Variants in FLOT2 observed in about 807,000 individuals in gnomAD.
FLOT2 encodes the protein flotillin 2.
FLOT2 carries 35 observed loss-of-function variants against 54.9 expected under a neutral mutation model. That is an observed-to-expected ratio of 0.64 (90% confidence interval 0.49 to 0.84). The LOEUF is 0.84. Ranked by LOEUF, FLOT2 falls within the 40% of genes least tolerant of loss-of-function variation. The pLI, the probability that FLOT2 is intolerant of heterozygous loss-of-function variation, is 0.00. For missense variants in FLOT2, 464 were observed against 572.1 expected (o/e 0.81, Z 1.93); for synonymous variants, 207 against 228.9 (o/e 0.90, Z 0.86).
chr17:28,889,066 T>G, intron 1 of FLOT2, 40 bp from the exon 2 acceptor site: 2 of 1,572,740 alleles, frequency 1.3e-6, no homozygotes, highest in Admixed American at 1.7e-5. Context: ...AGTCGGTTCT[T>G]GGGTCTGTCT....
At position 28,880,170 on chromosome 17, in the gene FLOT2, G is replaced by A. The variant is rs1209443175; in HGVS notation, c.*391C>T. 2 of 1,094,316 alleles carry A rather than the reference G, an allele frequency of 1.8e-6. No homozygotes were observed. The highest frequency in any genetic ancestry group is 2.2e-6 in the Non-Finnish European group (2 of 895,074). 67.8% of individuals were successfully genotyped at this position (1,094,316 alleles called of 1,614,324 possible). On this transcript the variant is annotated 3_prime_UTR_variant, in exon 11 of 11. Coordinates refer to ENST00000394908, the MANE Select transcript of FLOT2 (RefSeq NM_004475.3). ...CTCTGGCCAGGGCCATAGGGAGGATGGACAGATGCACAGAGAACTTCAAGG... is the reference window on the plus strand; with the variant it reads ...CTCTGGCCAGGGCCATAGGGAGGATAGACAGATGCACAGAGAACTTCAAGG...
intron 1 of FLOT2, among the ~76,000 whole-genome samples, chr17:28,895,207 G>T (rs2039722363): frequency 6.6e-6 from 1 of 151,828 alleles, no homozygotes; most frequent in Non-Finnish European, 1.5e-5. Flanking sequence ...GTCTGGCCAA[G>T]AATACTTATA....
chr17:28,884,074 C>T lies in FLOT2; in HGVS notation c.222+151G>A, dbSNP rs964737770. ...CCCGGTGAGCATGTTCCAGTGGCGA[C>T]GACCTGACTAGCCCTCTCTTGTGGG... is the stretch of plus-strand genomic sequence containing the variant. On this transcript the variant is annotated intron_variant, in intron 3 of 10. Transcript: ENST00000394908. This position sits in a 1 kb window ranked among gnomAD's most constrained non-coding sequence, Gnocchi z 5.1. The T allele has an allele frequency of 2.1e-5, 14 of 667,584 alleles. No homozygotes were observed. Among genetic ancestry groups the T allele is most frequent in the African/African-American group, 3.6e-5 (2 of 56,066 alleles). 41.4% of individuals were successfully genotyped at this position (667,584 alleles called of 1,614,324 possible).
intron 1 of FLOT2, 96 bp from the exon 2 acceptor site, chr17:28,889,122 ATACTTGACAACGCC>A (rs1457237565): frequency 1.5e-5 from 14 of 957,882 alleles, no homozygotes; most frequent in African/African-American, 3.2e-5. Context: ...ACCTGCTCTG[ATACTTGACAACGCC>A]TACTGTTGGG....
At chr17:28,887,299 C>A (rs2039565681) in intron 2 of FLOT2, among the ~76,000 whole-genome samples, 1 of 152,150 alleles carries the variant, frequency 6.6e-6, no homozygotes, top group East Asian at 1.9e-4. Context: ...ACCCGAGAGG[C>A]TCCTGCCAGC....
At chr17:28,894,726 C>A (rs1237853212) in intron 1 of FLOT2, among the ~76,000 whole-genome samples, 2 of 120,606 alleles carry the variant, frequency 1.7e-5, no homozygotes, top group African/African-American at 6.6e-5. Context: ...CCTGGGAGGT[C>A]GAGGCTGCAG....
In FLOT2 at chr17:28,880,237, A is replaced by C; in HGVS notation, c.*324T>G. ...AGCAGCAGGGCCACCCCCCACAGAG[A>C]GTGATTGTAATAAACATCTTCAGCT... On this transcript the variant is annotated 3_prime_UTR_variant, in exon 11 of 11. Transcript: ENST00000394908. 1 of 1,202,116 alleles carries C rather than the reference A, an allele frequency of 8.3e-7. No homozygotes were observed. The highest frequency in any genetic ancestry group is 1.0e-6 in the Non-Finnish European group (1 of 961,406). 74.5% of individuals were successfully genotyped at this position (1,202,116 alleles called of 1,614,324 possible).
intron 1 of FLOT2, among the ~76,000 whole-genome samples, chr17:28,889,732 C>G (rs1374974522): frequency 6.6e-6 from 1 of 151,472 alleles, no homozygotes; most frequent in Non-Finnish European, 1.5e-5. Flanking sequence ...CTCTGCCTCC[C>G]AGGTTCAAGC....
intron 1 of FLOT2, among the ~76,000 whole-genome samples, chr17:28,891,006 G>A (rs1230426510): frequency 1.3e-5 from 2 of 151,704 alleles, no homozygotes; most frequent in African/African-American, 2.4e-5. Context: ...TTAGCTTCTC[G>A]AGTAGCTGGA....
rs939523397 is a variant in FLOT2 at position 28,884,107 on chromosome 17, G to A, written c.222+118C>T. 6 of 789,126 alleles carry A rather than the reference G, an allele frequency of 7.6e-6. No homozygotes were observed. In the African/African-American group the frequency reaches 1.0e-4, roughly 13 times the overall value. 48.9% of individuals were successfully genotyped at this position (789,126 alleles called of 1,614,324 possible). A position where few individuals can be genotyped will look rare whatever the true frequency, so the allele number is the denominator to read the frequency against. ...CTAGCCCTCTCTTGTGGGACTTGCG[G>A]GGGCTGGGGTGCTGGAGAGAGACTG... On this transcript the variant is annotated intron_variant, in intron 3 of 10. Transcript: ENST00000394908. This position sits in a 1 kb window ranked among gnomAD's most constrained non-coding sequence, Gnocchi z 5.1.
At chr17:28,889,885 G>A (rs964868361) in intron 1 of FLOT2, among the ~76,000 whole-genome samples, 17 of 152,140 alleles carry the variant, frequency 1.1e-4, no homozygotes, top group African/African-American at 4.1e-4. Flanking sequence ...TGATCCACCT[G>A]CCTCAGCCTC....
chr17:28,888,803 C>A (rs532743627), intron 2 of FLOT2, 142 bp downstream of exon 2: 6 of 506,106 alleles, frequency 1.2e-5, no homozygotes, highest in South Asian at 9.2e-5. Flanking sequence ...AAGTCCCCCC[C>A]AACCCCACCC....
rs1258968823 is a variant in FLOT2 at position 28,884,114 on chromosome 17, G to A, written c.222+111C>T. On this transcript the variant is annotated intron_variant, in intron 3 of 10. Coordinates refer to ENST00000394908, the MANE Select transcript of FLOT2 (RefSeq NM_004475.3). This position sits in a 1 kb window ranked among gnomAD's most constrained non-coding sequence, Gnocchi z 5.1. ...TCTCTTGTGGGACTTGCGGGGGCTGGGGTGCTGGAGAGAGACTGCCCCTGG... is the reference window on the plus strand; with the variant it reads ...TCTCTTGTGGGACTTGCGGGGGCTGAGGTGCTGGAGAGAGACTGCCCCTGG... 6 of 820,940 alleles carry A rather than the reference G, an allele frequency of 7.3e-6. No individual in the cohort carries two copies. The highest frequency in any genetic ancestry group is 1.3e-5 in the Non-Finnish European group (6 of 477,774). The allele number at this position is 820,940 out of a possible 1,614,324, so 50.9% of individuals were successfully genotyped here. A position where few individuals can be genotyped will look rare whatever the true frequency, so the allele number is the denominator to read the frequency against.
intron 1 of FLOT2, among the ~76,000 whole-genome samples, chr17:28,889,334 C>CA (rs1567934858): frequency 1.4e-5 from 2 of 144,406 alleles, no homozygotes; most frequent in Non-Finnish European, 3.1e-5. Context: ...TCTGAAAAAG[C>CA]TTTTTTTTTT....
chr17:28,882,230 T>C lies in FLOT2; in HGVS notation c.587A>G (p.Glu196Gly), dbSNP rs760314503. The C allele has an allele frequency of 6.2e-7, 1 of 1,614,198 alleles. No individual in the cohort carries two copies. The highest frequency in any genetic ancestry group is 8.5e-7 in the Non-Finnish European group (1 of 1,180,030). ...CACATCCAGCATCTCCTTCTTGCAC[T>C]CAGCTTCCTGGGGACAAAAGGGGCA... ...AERDAGIREA[E>G]CKKEMLDVKF... Residue 196 changes from glutamate (E) to glycine (G), a missense_variant, in exon 7 of 11, where the codon GAG becomes GGG. Physicochemically the swap from Glu to Gly is moderately conservative, Grantham distance 98. Coordinates refer to ENST00000394908, the MANE Select transcript of FLOT2 (RefSeq NM_004475.3). This position sits in a 1 kb window ranked among gnomAD's most constrained non-coding sequence, Gnocchi z 5.6.
chr17:28,885,575 G>A, intron 2 of FLOT2: 1 of 717,446 alleles, frequency 1.4e-6, no homozygotes, highest in Non-Finnish European at 2.6e-6. Flanking sequence ...AGCTATGGCT[G>A]CATGGTAACG....
chr17:28,886,058 C>CGGGGGGG, intron 2 of FLOT2: 47 of 472,694 alleles, frequency 9.9e-5, no homozygotes, highest in Middle Eastern at 6.3e-4. Flanking sequence ...CGCCTGGGGG[C>CGGGGGGG]GGGGGGGGGC....
At position 28,879,423 on chromosome 17, in the gene FLOT2, TC is replaced by T; in HGVS notation, c.*1137del. ...CAAGCCCCAGACCAGACATGCAGCA[TC>T]CACATGCAGGAAGAGCTACACAGGC... On this transcript the variant is annotated 3_prime_UTR_variant, in exon 11 of 11. Transcript: ENST00000394908. The T allele has an allele frequency of 2.0e-6, 2 of 987,876 alleles. No homozygotes were observed. The highest frequency in any genetic ancestry group is 2.4e-6 in the Non-Finnish European group (2 of 830,206). The allele number at this position is 987,876 out of a possible 1,614,324, so 61.2% of individuals were successfully genotyped here.
chr17:28,886,221 G>A (rs992991507), intron 2 of FLOT2, among the ~76,000 whole-genome samples: 4 of 152,228 alleles, frequency 2.6e-5, no homozygotes, highest in African/African-American at 9.6e-5. Flanking sequence ...GATGCCTGCT[G>A]CCACCCTGGG....
Sources: gnomAD v4.1 joint callset for allele counts (sites outside exome capture counted in the v4.1 genomes callset) on GRCh38, gnomAD v4.1.1 for gene constraint, Gnocchi (gnomAD v3.1) non-coding constraint, MANE v1.5 for transcripts, NCBI Gene and HGNC (gene_info 2026-07-23, HGNC 2026-07-21) for gene names.